Variants in SLC6A15 observed in about 807,000 individuals in gnomAD.
SLC6A15 encodes sodium-dependent neutral amino acid transporter B(0)AT2.
In SLC6A15, 33 loss-of-function variants were observed where a neutral mutation model predicts 68.5. The observed-to-expected ratio is 0.48, with a 90% CI of 0.37 to 0.64. The LOEUF (loss-of-function observed/expected upper bound fraction) is 0.64, where lower values mean the gene tolerates loss of function less well. Among genes scored for constraint, SLC6A15 ranks in the 30% least tolerant of loss-of-function variants. SLC6A15 has a pLI of 0.00. For synonymous variants in SLC6A15, 347 were observed against 301.0 expected, an observed-to-expected ratio of 1.15 and a Z score of -1.58; for missense variants, 747 against 874.3, an observed-to-expected ratio of 0.85 and a Z score of 1.84.
chr12:84,866,785 T>C (rs546249295), intron 10 of SLC6A15, among the ~76,000 whole-genome samples: 9 of 152,300 alleles, frequency 5.9e-5, no homozygotes, highest in African/African-American at 1.9e-4. Context: ...AGTTAGCTAT[T>C]TGATAACCAG....
intron 1 of SLC6A15, among the ~76,000 whole-genome samples, chr12:84,908,659 A>T (rs1873291698): frequency 6.7e-6 from 1 of 150,122 alleles, no homozygotes; most frequent in African/African-American, 2.4e-5. Context: ...AATATACTGT[A>T]CCATCTGTAC....
intron 10 of SLC6A15, among the ~76,000 whole-genome samples, chr12:84,866,322 C>G (rs1444198457): frequency 2.6e-5 from 4 of 152,130 alleles, no homozygotes; most frequent in Non-Finnish European, 4.4e-5. Flanking sequence ...ATTTCAAATA[C>G]ATACACTTTT....
chr12:84,905,314 A>T lies in SLC6A15; in HGVS notation c.-189+7209T>A, dbSNP rs186225328. The stretch of plus-strand genomic sequence containing the variant: ...AATGACAGGCTAAAGGAAAAATCAC[A>T]TGACTATATCTACTGATGCAGGAAA... On this transcript the variant is annotated intron_variant, in intron 1 of 11. Coordinates refer to ENST00000266682, the MANE Select transcript of SLC6A15 (RefSeq NM_182767.6). Among the ~76,000 whole-genome samples the T allele has an allele frequency of 5.3e-5, 8 of 152,318 alleles. No individual in the cohort carries two copies. The East Asian group carries it at 1.4e-3, about 26-fold the overall frequency.
chr12:84,875,693 TATATATG>T (rs1435293281), intron 6 of SLC6A15, among the ~76,000 whole-genome samples: 3,655 of 7,134 alleles, frequency 0.51, 652 homozygotes, highest in South Asian at 0.67. Flanking sequence ...TATATATATA[TATATATG>T]AGAATCAAAA....
intron 5 of SLC6A15, among the ~76,000 whole-genome samples, chr12:84,877,330 A>C (rs2120600423): frequency 6.6e-6 from 1 of 152,282 alleles, no homozygotes; most frequent in East Asian, 1.9e-4. Flanking sequence ...GTAAAGCCAA[A>C]CATCTAGAAA....
chr12:84,884,114 C>T, intron 4 of SLC6A15, 74 bp from the exon 5 acceptor site: 2 of 1,246,320 alleles, frequency 1.6e-6, no homozygotes, highest in Non-Finnish European at 2.3e-6. Flanking sequence ...TCCAATAAAC[C>T]TGTAAGTGAA....
chr12:84,883,317 A>G (rs1159424509), intron 5 of SLC6A15: 3 of 987,072 alleles, frequency 3.0e-6, no homozygotes, highest in Admixed American at 1.2e-4. Context: ...AATGATATTT[A>G]GTCTTTTACA....
intron 1 of SLC6A15, among the ~76,000 whole-genome samples, chr12:84,898,097 T>C (rs1872704173): frequency 6.6e-6 from 1 of 152,182 alleles, no homozygotes; most frequent in South Asian, 2.1e-4. Flanking sequence ...ATCCCAGCAC[T>C]GGGAGGCTGA....
At position 84,861,809 on chromosome 12, in the gene SLC6A15, A is replaced by G. The variant is rs776236939; in HGVS notation, c.2016T>C (p.Asp672=). The change falls in exon 12 of 12, where the codon GAT becomes GAC. Residue 672 remains aspartate, a synonymous_variant. Coordinates refer to ENST00000266682, the MANE Select transcript of SLC6A15 (RefSeq NM_182767.6). ...VLKEPVNLEG[D]DTSLIHGKIP... is the part of the protein sequence containing the mutation. ...TTTTTCCGTGAATGAGGCTTGTATCATCGCCCTCTAAGTTCACAGGCTCTT... is the reference window on the plus strand; with the variant it reads ...TTTTTCCGTGAATGAGGCTTGTATCGTCGCCCTCTAAGTTCACAGGCTCTT... The G allele has an allele frequency of 2.5e-6, 4 of 1,613,904 alleles. No individual in the cohort carries two copies. The highest frequency in any genetic ancestry group is 1.3e-5 in the African/African-American group (1 of 74,898).
At chr12:84,895,276 T>G (rs1413256740) in intron 1 of SLC6A15, among the ~76,000 whole-genome samples, 1 of 151,744 alleles carries the variant, frequency 6.6e-6, no homozygotes, top group Non-Finnish European at 1.5e-5. Flanking sequence ...CCGAAAGGTT[T>G]AAAGAATAAG....
intron 5 of SLC6A15, chr12:84,881,538 A>C (rs747758780): frequency 5.1e-5 from 50 of 985,294 alleles, no homozygotes; most frequent in Non-Finnish European, 6.0e-5. Context: ...TACCTAGCCC[A>C]AAGGACAATG....
chr12:84,864,937 G>T (rs1871007020), intron 10 of SLC6A15, among the ~76,000 whole-genome samples: 2 of 152,262 alleles, frequency 1.3e-5, no homozygotes, highest in Admixed American at 1.3e-4. Flanking sequence ...GCATCTATTA[G>T]TAGTAGTATT....
Position 84,910,938 on chromosome 12 carries a change from T to TGTGTGTGTGTGTGTGTGTGTGTGTGC in SLC6A15, c.-189+1584_-189+1585insGCACACACACACACACACACACACAC, listed in dbSNP as rs1420400190. Among the ~76,000 whole-genome samples, 156 of 150,758 alleles carry TGTGTGTGTGTGTGTGTGTGTGTGTGC rather than the reference T, an allele frequency of 1.0e-3. 5 individuals are homozygous for TGTGTGTGTGTGTGTGTGTGTGTGTGC. Among genetic ancestry groups the TGTGTGTGTGTGTGTGTGTGTGTGTGC allele is most frequent in the African/African-American group, 3.7e-3 (151 of 40,272 alleles). On this transcript the variant is annotated intron_variant, in intron 1 of 11. Coordinates refer to ENST00000266682, the MANE Select transcript of SLC6A15 (RefSeq NM_182767.6). ...GAGCCGCCCTCTTTCCGTGTGTGTGTGTGTGTGTGTGTGTGTCTTTAACCC... is the reference window on the plus strand; with the variant it reads ...GAGCCGCCCTCTTTCCGTGTGTGTGTGTGTGTGTGTGTGTGTGTGTGTGTGCGTGTGTGTGTGTGTGTCTTTAACCC...
At chr12:84,863,255 A>T (rs1238369648) in intron 11 of SLC6A15, among the ~76,000 whole-genome samples, 184 bp downstream of exon 11, 2 of 150,894 alleles carry the variant, frequency 1.3e-5, no homozygotes, top group African/African-American at 4.9e-5. Context: ...GAAAACATCC[A>T]CAATGTATTT....
intron 4 of SLC6A15, 44 bp from the exon 5 acceptor site, chr12:84,884,084 A>G: frequency 6.6e-7 from 1 of 1,508,076 alleles, no homozygotes; most frequent in Non-Finnish European, 9.1e-7. Context: ...GAATATAAAG[A>G]GCAATGCGAC....
chr12:84,868,126 T>G (rs1180915699), intron 9 of SLC6A15, among the ~76,000 whole-genome samples: 1 of 152,124 alleles, frequency 6.6e-6, no homozygotes, highest in African/African-American at 2.4e-5. Context: ...CCTAACAATT[T>G]CAGCAAGTAT....
intron 5 of SLC6A15, among the ~76,000 whole-genome samples, chr12:84,879,008 T>C (rs1036743334): frequency 1.3e-5 from 2 of 151,912 alleles, no homozygotes; most frequent in African/African-American, 4.8e-5. Flanking sequence ...CTATTAAAAA[T>C]CCTCAAAGGT....
At chr12:84,889,322 C>G (rs532697147) in intron 2 of SLC6A15, among the ~76,000 whole-genome samples, 22 of 151,226 alleles carry the variant, frequency 1.5e-4, no homozygotes, top group Non-Finnish European at 2.7e-4. Context: ...AACCCTGTCT[C>G]TACCAAAAAT....
chr12:84,898,362 A>C (rs1007850350), intron 1 of SLC6A15, among the ~76,000 whole-genome samples: 1 of 152,066 alleles, frequency 6.6e-6, no homozygotes, highest in African/African-American at 2.4e-5. Flanking sequence ...ACAAACAAAA[A>C]ACAACTTATT....
Sources: gnomAD v4.1 joint callset for allele counts (sites outside exome capture counted in the v4.1 genomes callset) on GRCh38, gnomAD v4.1.1 for gene constraint, MANE v1.5 for transcripts, NCBI Gene and HGNC (gene_info 2026-07-23, HGNC 2026-07-21) for gene names.